SRGAP3: variants seen among roughly 807,000 people sequenced by gnomAD.
SRGAP3 encodes the protein SLIT-ROBO Rho GTPase activating protein 3.
SRGAP3 carries 39 observed loss-of-function variants against 121.1 expected under a neutral mutation model. That is an observed-to-expected ratio of 0.32 (90% CI 0.25 to 0.42). The LOEUF (loss-of-function observed/expected upper bound fraction) is 0.42. Ranked by LOEUF, SRGAP3 falls within the 10% of genes least tolerant of loss-of-function variation. SRGAP3 has a pLI of 1.00. For synonymous variants in SRGAP3, 601 were observed against 570.0 expected, an observed-to-expected ratio of 1.05 and a Z score of -0.77; for missense variants, 1,213 against 1,470.6, an observed-to-expected ratio of 0.82 and a Z score of 2.86.
intron 1 of SRGAP3, among the ~76,000 whole-genome samples, chr3:9,180,229 A>C (rs544971348): frequency 2.2e-4 from 34 of 152,350 alleles, no homozygotes; most frequent in Non-Finnish European, 3.7e-4. Context: ...GGAACACCCA[A>C]GGCTCAGGAA....
intron 2 of SRGAP3, among the ~76,000 whole-genome samples, chr3:9,116,066 T>C (rs1948793865): frequency 6.6e-6 from 1 of 152,228 alleles, no homozygotes; most frequent in South Asian, 2.1e-4. Context: ...GTTCCTGTGT[T>C]ATCAAGAATC....
intron 3 of SRGAP3, among the ~76,000 whole-genome samples, chr3:9,101,394 C>A (rs1285817984): frequency 2.6e-5 from 4 of 152,314 alleles, no homozygotes; most frequent in African/African-American, 7.2e-5. Context: ...CCCGGCCTGG[C>A]GAGGCAGAGC....
chr3:9,333,140 A>C (rs947624069), intron 1 of SRGAP3, among the ~76,000 whole-genome samples: 2 of 152,220 alleles, frequency 1.3e-5, no homozygotes, highest in Non-Finnish European at 2.9e-5. Flanking sequence ...TCTACTTTTT[A>C]AAGCTTGTTA....
chr3:9,162,718 G>C (rs373772562), intron 1 of SRGAP3, among the ~76,000 whole-genome samples: 1 of 152,258 alleles, frequency 6.6e-6, no homozygotes, highest in South Asian at 2.1e-4. Context: ...TGAGCTCTTA[G>C]AGCCCAGCAG....
chr3:9,183,844 C>A (rs1348209134), intron 1 of SRGAP3, among the ~76,000 whole-genome samples: 3 of 151,496 alleles, frequency 2.0e-5, no homozygotes, highest in African/African-American at 7.3e-5. Flanking sequence ...TAGCCTTAAC[C>A]CCCAGCCCCG....
intron 1 of SRGAP3, chr3:9,348,404 C>A: frequency 1.8e-6 from 1 of 559,838 alleles, no homozygotes. Flanking sequence ...CTCCAGAATC[C>A]GCGAACCCCA....
At chr3:9,003,060 G>C (rs1032848262) in intron 18 of SRGAP3, among the ~76,000 whole-genome samples, 4 of 152,050 alleles carry the variant, frequency 2.6e-5, no homozygotes, top group African/African-American at 9.7e-5. Context: ...AGAAGAGAAG[G>C]GAACACTGCT....
At chr3:9,027,041 C>A (rs541481229) in intron 12 of SRGAP3, 46 bp from the exon 13 acceptor site, 2 of 1,576,718 alleles carry the variant, frequency 1.3e-6, no homozygotes, top group African/African-American at 2.7e-5. Flanking sequence ...TGACAACCAC[C>A]ACAGGAAAAA....
chr3:9,144,144 C>A (rs1028349593), intron 1 of SRGAP3, among the ~76,000 whole-genome samples: 1 of 152,214 alleles, frequency 6.6e-6, no homozygotes, highest in East Asian at 1.9e-4. Context: ...TCCCTCTCTA[C>A]CTCTAGCCTA....
chr3:9,160,002 T>C (rs1270558929), intron 1 of SRGAP3, among the ~76,000 whole-genome samples: 1 of 152,142 alleles, frequency 6.6e-6, no homozygotes, highest in East Asian at 1.9e-4. Flanking sequence ...CAAAAAACTA[T>C]TCAAGGCCCT....
chr3:9,123,707 A>AAT lies in SRGAP3; in HGVS notation c.260+1016_260+1017dup, dbSNP rs368589354. On this transcript the variant is annotated intron_variant, in intron 2 of 21. Transcript: ENST00000383836. ...GTGACAGAGTGAGACTCTGTCTCAA[A>AAT]ATATATATATATATATATGTATATA... Among the ~76,000 whole-genome samples, 1,233 of 137,582 alleles carry AAT rather than the reference A, an allele frequency of 9.0e-3. 7 individuals carry two copies. The highest frequency in any genetic ancestry group is 0.018 in the African/African-American group (666 of 36,274). The allele number at this position is 137,582 out of a possible 152,430, so 90.3% of individuals were successfully genotyped here. A position where few individuals can be genotyped will look rare whatever the true frequency, so the allele number is the denominator to read the frequency against.
intron 3 of SRGAP3, among the ~76,000 whole-genome samples, chr3:9,275,735 T>G (rs1198370821): frequency 6.6e-6 from 1 of 152,224 alleles, no homozygotes; most frequent in Non-Finnish European, 1.5e-5. Flanking sequence ...TTGTGAGGCC[T>G]ACCCCATCAC....
intron 3 of SRGAP3, among the ~76,000 whole-genome samples, chr3:9,261,876 TAAAAAAAA>T (rs34047232): frequency 5.5e-4 from 66 of 120,866 alleles, no homozygotes; most frequent in African/African-American, 1.9e-3. Flanking sequence ...CTCATATATT[TAAAAAAAA>T]AAAAAAAAAA....
chr3:9,112,084 T>G (rs1007006261), intron 2 of SRGAP3, among the ~76,000 whole-genome samples: 35 of 152,284 alleles, frequency 2.3e-4, no homozygotes, highest in African/African-American at 8.2e-4. Flanking sequence ...AAATTAGCAG[T>G]GAGCCAGTTT....
intron 3 of SRGAP3, among the ~76,000 whole-genome samples, chr3:9,101,166 C>T (rs1490995898): frequency 2.0e-5 from 3 of 152,180 alleles, no homozygotes; most frequent in Non-Finnish European, 4.4e-5. Flanking sequence ...AGGTAAGGAG[C>T]GTTCTTTATT....
chr3:9,207,971 T>C (rs1374861224), intron 1 of SRGAP3, among the ~76,000 whole-genome samples: 1 of 152,228 alleles, frequency 6.6e-6, no homozygotes, highest in African/African-American at 2.4e-5. Context: ...GAGCTCCTTC[T>C]GCTCTGTTAC....
At chr3:9,052,210 A>G (rs1287540244) in intron 9 of SRGAP3, among the ~76,000 whole-genome samples, 1 of 152,224 alleles carries the variant, frequency 6.6e-6, no homozygotes, top group African/African-American at 2.4e-5. Context: ...CAACCATGTG[A>G]AACACTGCCA....
intron 19 of SRGAP3, 115 bp from the exon 20 acceptor site, chr3:8,993,170 T>G: frequency 6.5e-7 from 1 of 1,530,908 alleles, no homozygotes; most frequent in Non-Finnish European, 8.9e-7. Context: ...GGTTACTTTG[T>G]GCCCACAGCG....
intron 3 of SRGAP3, among the ~76,000 whole-genome samples, chr3:9,258,887 G>A (rs1574949834): frequency 6.6e-6 from 1 of 152,240 alleles, no homozygotes. Context: ...CCTGGAACCC[G>A]AGTGAGCTTT....
Sources: gnomAD v4.1 joint callset for allele counts (sites outside exome capture counted in the v4.1 genomes callset) on GRCh38, gnomAD v4.1.1 for gene constraint, MANE v1.5 for transcripts, NCBI Gene and HGNC (gene_info 2026-07-23, HGNC 2026-07-21) for gene names.